The following ECPAS variants were observed in gnomAD, a reference collection of about 807,000 sequenced individuals.
The protein encoded by ECPAS is proteasome adapter and scaffold protein ECM29.
Under a neutral mutation model 255.1 loss-of-function variants are expected in ECPAS, and 70 were observed. The observed-to-expected ratio is 0.27, with a 90% CI of 0.23 to 0.33. ECPAS has a LOEUF of 0.33. Ranked by LOEUF, ECPAS falls within the 10% of genes least tolerant of loss-of-function variation. The pLI, the probability that ECPAS is intolerant of heterozygous loss-of-function variation, is 1.00. For missense variants in ECPAS, 1,817 were observed against 2,206.4 expected (o/e 0.82, Z 3.54); for synonymous variants, 784 against 775.0 (o/e 1.01, Z -0.19).
intron 38 of ECPAS, among the ~76,000 whole-genome samples, chr9:111,374,562 C>T (rs1277587262): frequency 6.6e-6 from 1 of 152,174 alleles, no homozygotes; most frequent in Non-Finnish European, 1.5e-5. Flanking sequence ...CAGCAGTTAT[C>T]TCTGTATGGC....
chr9:111,408,204 G>A (rs1019633332), intron 24 of ECPAS, among the ~76,000 whole-genome samples: 1 of 152,146 alleles, frequency 6.6e-6, no homozygotes, highest in Non-Finnish European at 1.5e-5. Flanking sequence ...GCATCTAGAG[G>A]ACAGAAGCTA....
intron 27 of ECPAS, 51 bp from the exon 28 acceptor site, chr9:111,392,933 C>T (rs1246244628): frequency 6.1e-6 from 8 of 1,322,190 alleles, no homozygotes; most frequent in Admixed American, 2.2e-5. Flanking sequence ...ATTTTGTCTA[C>T]TTGCTATGAA....
chr9:111,408,614 G>C lies in ECPAS; in HGVS notation c.2609C>G (p.Pro870Arg), dbSNP rs2098188899. The change falls in exon 24 of 50, where the codon CCT (proline) becomes CGT (arginine). Residue 870 changes from proline (P) to arginine (R), a missense_variant. This residue lies in a region of ECPAS where 960 missense variants were observed against 1,179.0 expected (regional missense o/e 0.81). Transcript: ENST00000684092. ...ACCTTGCAAGAGGAGTTTCTGGTGA[G>C]GAAAATCTCCATCCCCAACTGGAAA... Reference protein sequence around the residue: ...GYFPVGDGDFPHQKLLLQGLM... With the variant: ...GYFPVGDGDFRHQKLLLQGLM... 6.3e-7 allele frequency: 1 copy of C among 1,596,074 alleles called. No individual in the cohort carries two copies. The highest frequency in any genetic ancestry group is 1.3e-5 in the African/African-American group (1 of 74,358).
intron 2 of ECPAS, among the ~76,000 whole-genome samples, chr9:111,469,678 G>A (rs989173265): frequency 2.0e-5 from 3 of 151,818 alleles, no homozygotes; most frequent in Admixed American, 6.6e-5. Flanking sequence ...GCATGGTGGC[G>A]GGCGCCTGTA....
intron 49 of ECPAS, among the ~76,000 whole-genome samples, 169 bp downstream of exon 49, chr9:111,363,419 A>T (rs2098116375): frequency 6.6e-6 from 1 of 152,180 alleles, no homozygotes; most frequent in Non-Finnish European, 1.5e-5. Context: ...TTAAATATTT[A>T]GTAAAATTTA....
intron 1 of ECPAS, among the ~76,000 whole-genome samples, chr9:111,477,577 T>C (rs1372755678): frequency 1.3e-5 from 2 of 152,124 alleles, no homozygotes; most frequent in East Asian, 3.9e-4. Flanking sequence ...TATTCTCCCA[T>C]GCAGGACAGG....
At chr9:111,451,311 G>A in intron 3 of ECPAS, 114 bp downstream of exon 3, 1 of 1,036,612 alleles carries the variant, frequency 9.6e-7, no homozygotes, top group South Asian at 1.5e-5. Context: ...CATTTTGAAA[G>A]GCCATAATTA....
At chr9:111,389,818 G>GGTCTTT (rs2098156555) in intron 30 of ECPAS, 95 bp from the exon 31 acceptor site, 1 of 1,315,472 alleles carries the variant, frequency 7.6e-7, no homozygotes, top group Non-Finnish European at 1.0e-6. Flanking sequence ...CCTAAATACA[G>GGTCTTT]CCTGATTTAT....
intron 13 of ECPAS, among the ~76,000 whole-genome samples, chr9:111,422,994 A>G (rs2131803492): frequency 6.6e-6 from 1 of 152,312 alleles, no homozygotes; most frequent in South Asian, 2.1e-4. Context: ...ACCACCATTT[A>G]ATACAGTAAC....
chr9:111,467,069 A>G (rs1478048390), intron 2 of ECPAS, among the ~76,000 whole-genome samples: 1 of 152,252 alleles, frequency 6.6e-6, no homozygotes, highest in African/African-American at 2.4e-5. Context: ...ATCTCTCTCA[A>G]AAACACAACT....
At chr9:111,439,470 T>C (rs2098242800) in intron 6 of ECPAS, among the ~76,000 whole-genome samples, 2 of 152,132 alleles carry the variant, frequency 1.3e-5, no homozygotes, top group Non-Finnish European at 2.9e-5. Context: ...GATTTTGCCA[T>C]GTTGCCCAGG....
At chr9:111,463,779 G>C (rs2098275999) in intron 2 of ECPAS, among the ~76,000 whole-genome samples, 1 of 152,106 alleles carries the variant, frequency 6.6e-6, no homozygotes. Flanking sequence ...AAATCTAACA[G>C]TACCAAATGT....
intron 1 of ECPAS, among the ~76,000 whole-genome samples, chr9:111,473,758 G>A (rs950803602): frequency 2.0e-5 from 3 of 152,210 alleles, no homozygotes; most frequent in Non-Finnish European, 4.4e-5. Flanking sequence ...CTTGAGTACA[G>A]GAATTTGAGA....
intron 2 of ECPAS, among the ~76,000 whole-genome samples, chr9:111,458,494 G>A (rs2098269534): frequency 6.6e-6 from 1 of 152,126 alleles, no homozygotes; most frequent in Admixed American, 6.6e-5. Flanking sequence ...AACTTACACT[G>A]AGGAAGTAAC....
At chr9:111,377,885 G>A (rs144689551) in intron 36 of ECPAS, among the ~76,000 whole-genome samples, 8,475 of 152,198 alleles carry the variant, frequency 0.056, 568 homozygotes, top group African/African-American at 0.15. Context: ...GGTGGCTCAC[G>A]CCTGTAATCC....
intron 2 of ECPAS, among the ~76,000 whole-genome samples, chr9:111,460,084 T>G (rs1249161035): frequency 6.6e-6 from 1 of 152,122 alleles, no homozygotes; most frequent in East Asian, 1.9e-4. Context: ...GTAAAAAATA[T>G]GAGTCAAATC....
At chr9:111,483,647 C>T (rs1237164064) in intron 1 of ECPAS, 4 of 201,172 alleles carry the variant, frequency 2.0e-5, no homozygotes, top group African/African-American at 7.2e-5. Context: ...TCCGTTCACT[C>T]GGCGCGGACC....
At chr9:111,443,017 A>T (rs2098247995) in intron 4 of ECPAS, among the ~76,000 whole-genome samples, 1 of 152,210 alleles carries the variant, frequency 6.6e-6, no homozygotes, top group Non-Finnish European at 1.5e-5. Context: ...GAGTGCCAAC[A>T]AGACACACAA....
chr9:111,374,431 T>C (rs1297666272), intron 38 of ECPAS, among the ~76,000 whole-genome samples: 1 of 152,206 alleles, frequency 6.6e-6, no homozygotes, highest in Non-Finnish European at 1.5e-5. Context: ...AGATGTTCCT[T>C]GATGGAGTAA....
Sources: gnomAD v4.1 joint callset for allele counts (sites outside exome capture counted in the v4.1 genomes callset) on GRCh38, gnomAD v4.1.1 for gene constraint, gnomAD v4.1.1 regional missense constraint, MANE v1.5 for transcripts, NCBI Gene and HGNC (gene_info 2026-07-23, HGNC 2026-07-21) for gene names.